The following SLC5A11 variants were observed in gnomAD, a reference collection of about 807,000 sequenced individuals.
SLC5A11 encodes the protein solute carrier family 5 member 11.
In SLC5A11, 48 loss-of-function variants were observed where a neutral mutation model predicts 69.8. The ratio of observed to expected loss-of-function variants is 0.69; its 90% confidence interval spans 0.55 to 0.87. SLC5A11 has a LOEUF of 0.87. SLC5A11 is among the 40% of genes least tolerant of loss of function. The pLI, the probability that SLC5A11 is intolerant of heterozygous loss-of-function variation, is 0.00. For synonymous variants in SLC5A11, 319 were observed against 342.4 expected (o/e 0.93, Z 0.75); for missense variants, 784 against 866.1 (o/e 0.91, Z 1.19).
At chr16:24,850,294 A>G (rs1482869596) in intron 1 of SLC5A11, among the ~76,000 whole-genome samples, 1 of 152,168 alleles carries the variant, frequency 6.6e-6, no homozygotes, top group East Asian at 1.9e-4. Context: ...CTCTGTTTCT[A>G]TGAACCCCAT....
exon 9 of SLC5A11, chr16:24,890,964 C>T (rs374864110): frequency 2.0e-5 from 33 of 1,614,026 alleles, no homozygotes; most frequent in South Asian, 5.5e-5. Flanking sequence ...CGGGCTGCCC[C>T]GGGAAGATGC....
At chr16:24,909,070 T>C in exon 14 of SLC5A11, 2 of 1,614,080 alleles carry the variant, frequency 1.2e-6, no homozygotes, top group Non-Finnish European at 1.7e-6. Context: ...CGTGAGCTGG[T>C]TCACAGAGCC....
rs990683538 is a variant in SLC5A11 at position 24,894,577 on chromosome 16, G to A, written c.871-3397G>A. Among the ~76,000 whole-genome samples the A allele has an allele frequency of 4.7e-5, 7 of 149,024 alleles. No individual in the cohort carries two copies. In the South Asian group the frequency reaches 1.3e-3, roughly 27 times the overall value. On this transcript the variant is annotated intron_variant, in intron 9 of 15. Coordinates refer to ENST00000347898, the Ensembl canonical transcript of SLC5A11. ...AGCACTTTGGGAGGCTGAGGCGGGC[G>A]GATCACGAGGTCAGGAGATCAAGAC...
At chr16:24,856,246 C>T (rs544376845) in intron 1 of SLC5A11, among the ~76,000 whole-genome samples, 3 of 152,104 alleles carry the variant, frequency 2.0e-5, no homozygotes, top group East Asian at 3.9e-4. Context: ...ACCCACCAGA[C>T]ATTCATGTGG....
chr16:24,894,756 C>T (rs1342337073), intron 9 of SLC5A11, among the ~76,000 whole-genome samples: 7 of 151,848 alleles, frequency 4.6e-5, no homozygotes, highest in Non-Finnish European at 1.0e-4. Flanking sequence ...ACCCGGATCG[C>T]GCCACTGCAC....
intron 2 of SLC5A11, among the ~76,000 whole-genome samples, chr16:24,861,535 AAAAG>A (rs1202076411): frequency 6.6e-6 from 1 of 151,212 alleles, no homozygotes; most frequent in African/African-American, 2.4e-5. Flanking sequence ...AGGGAAGGGA[AAAAG>A]AAAGAAAAAT....
chr16:24,882,521 A>G (rs747292278), intron 7 of SLC5A11, among the ~76,000 whole-genome samples: 1 of 152,144 alleles, frequency 6.6e-6, no homozygotes, highest in Admixed American at 6.5e-5. Context: ...ACATGTTTCT[A>G]TTGGATAAGT....
chr16:24,892,444 TAAAAA>T (rs59511866), intron 9 of SLC5A11, among the ~76,000 whole-genome samples: 2 of 140,964 alleles, frequency 1.4e-5, no homozygotes, highest in Admixed American at 1.4e-4. Flanking sequence ...CCTTTTGTGT[TAAAAA>T]AAAAAAAAAA....
intron 8 of SLC5A11, among the ~76,000 whole-genome samples, chr16:24,889,001 G>T (rs947572913): frequency 6.9e-6 from 1 of 144,562 alleles, no homozygotes; most frequent in Non-Finnish European, 1.5e-5. Flanking sequence ...TTCCCCATGT[G>T]GGCCAGGCTG....
chr16:24,855,556 G>C (rs771910446), intron 1 of SLC5A11, among the ~76,000 whole-genome samples: 1 of 151,864 alleles, frequency 6.6e-6, no homozygotes, highest in East Asian at 1.9e-4. Context: ...AGCTGTGATT[G>C]TGCCACTGTA....
intron 4 of SLC5A11, 80 bp downstream of exon 5, chr16:24,870,085 C>T: frequency 2.0e-6 from 2 of 1,016,814 alleles, no homozygotes; most frequent in East Asian, 2.5e-5. Flanking sequence ...GTGTGAATGC[C>T]CTGCACTTTA....
At chr16:24,897,938 G>A in intron 9 of SLC5A11, 36 bp from the exon 11 acceptor site, 1 of 1,609,496 alleles carries the variant, frequency 6.2e-7, no homozygotes, top group South Asian at 1.1e-5. Context: ...AACTATATCA[G>A]CATTCCCAGT....
chr16:24,861,954 T>C (rs867627005), intron 2 of SLC5A11: 3 of 152,142 alleles, frequency 2.0e-5, no homozygotes, highest in African/African-American at 7.2e-5. Context: ...TTACCCCTTT[T>C]TGCCCTTCTG....
At chr16:24,873,537 G>A (rs936778672) in intron 5 of SLC5A11, among the ~76,000 whole-genome samples, 2 of 151,894 alleles carry the variant, frequency 1.3e-5, no homozygotes, top group South Asian at 2.1e-4. Context: ...TAGTCAGGAG[G>A]CTGAGGCAAG....
At chr16:24,856,846 G>A (rs2059557076) in intron 1 of SLC5A11, among the ~76,000 whole-genome samples, 1 of 151,724 alleles carries the variant, frequency 6.6e-6, no homozygotes, top group Non-Finnish European at 1.5e-5. Context: ...TGGAGTCAAG[G>A]TCTTGCTCTT....
chr16:24,857,232 G>T (rs114865511), intron 1 of SLC5A11, among the ~76,000 whole-genome samples: 110 of 152,320 alleles, frequency 7.2e-4, no homozygotes, highest in African/African-American at 2.6e-3. Flanking sequence ...CCCATCACTG[G>T]GCTGTGCATT....
chr16:24,851,248 C>T (rs758961085), intron 1 of SLC5A11, among the ~76,000 whole-genome samples: 2 of 151,744 alleles, frequency 1.3e-5, no homozygotes, highest in Non-Finnish European at 2.9e-5. Context: ...GGCAGTGGCT[C>T]ACGCCTGTAA....
chr16:24,893,851 C>T (rs913822177), intron 9 of SLC5A11, among the ~76,000 whole-genome samples: 7 of 152,190 alleles, frequency 4.6e-5, no homozygotes, highest in African/African-American at 9.7e-5. Context: ...GGATTACAGG[C>T]GTGAGCCACT....
intron 1 of SLC5A11, 71 bp from the exon 3 acceptor site, chr16:24,858,549 A>G: frequency 1.5e-6 from 2 of 1,375,562 alleles, no homozygotes; most frequent in Non-Finnish European, 2.0e-6. Flanking sequence ...TGGCCTAGGG[A>G]GGTAGCTACA....
Sources: allele counts gnomAD v4.1 joint callset (sites outside exome capture counted in the v4.1 genomes callset), GRCh38; gene constraint gnomAD v4.1.1; transcripts MANE v1.5; gene names NCBI Gene and HGNC (gene_info 2026-07-23, HGNC 2026-07-21).